HTR3E: variants seen among roughly 807,000 people sequenced by gnomAD.
The protein encoded by HTR3E is 5-hydroxytryptamine (serotonin) receptor 3, family member E.
In HTR3E, 38 loss-of-function variants were observed where a neutral mutation model predicts 38.0. The observed-to-expected ratio is 1.00, with a 90% CI of 0.77 to 1.31. The LOEUF (loss-of-function observed/expected upper bound fraction) is 1.31, where lower values mean the gene tolerates loss of function less well. Among genes scored for constraint, HTR3E ranks in the 50% most tolerant of loss-of-function variants. The pLI is 0.00. For synonymous variants in HTR3E, 210 were observed against 232.9 expected (o/e 0.90, Z 0.89); for missense variants, 547 against 585.2 (o/e 0.93, Z 0.67).
At position 184,106,721 on chromosome 3, in the gene HTR3E, T is replaced by G; in HGVS notation, c.*28T>G. On this transcript the variant is annotated 3_prime_UTR_variant, in exon 9 of 9. Transcript: ENST00000415389. The surrounding 1 kb of genome is among the most constrained non-coding windows in gnomAD (Gnocchi z 4.1). ...AGGTGCTCACCTGCCAACTTCAGTC[T>G]GGAGCTTCTCTTGCCTCCAGGGACT... 1 of 1,611,148 alleles carries G rather than the reference T, an allele frequency of 6.2e-7. No individual in the cohort carries two copies. Among genetic ancestry groups the G allele is most frequent in the Non-Finnish European group, 8.5e-7 (1 of 1,178,100 alleles).
intron 1 of HTR3E, among the ~76,000 whole-genome samples, chr3:184,099,789 CT>C (rs1560093133): frequency 7.2e-6 from 1 of 138,988 alleles, no homozygotes; most frequent in African/African-American, 2.7e-5. Flanking sequence ...TAAAATAAAA[CT>C]TTTTTAAAGC....
rs769256786 is a variant in HTR3E at position 184,105,426 on chromosome 3, A to T, written c.719A>T (p.Tyr240Phe). The T allele has an allele frequency of 6.2e-7, 1 of 1,602,050 alleles. No homozygotes were observed. Among genetic ancestry groups the T allele is most frequent in the Non-Finnish European group, 8.5e-7 (1 of 1,175,348 alleles). The change falls in exon 6 of 9, where the codon TAT (tyrosine) becomes TTT (phenylalanine). Residue 240 changes from tyrosine to phenylalanine, a missense_variant and splice_region_variant. Transcript: ENST00000415389. ...GGNLYDQIVF[Y>F]VAIRRRPSLY... ...AACCTGTATGATCAGATCGTGTTCTATGTGAGCTTGGAGGCTCTTACTCTT... is the reference window on the plus strand; with the variant it reads ...AACCTGTATGATCAGATCGTGTTCTTTGTGAGCTTGGAGGCTCTTACTCTT...
rs143856984 is a variant in HTR3E, at chr3:184,105,963, C to G, written c.919C>G (p.Leu307Val). 1,314 of 1,614,174 alleles carry G rather than the reference C, an allele frequency of 8.1e-4. 8 individuals are homozygous for G. The African/African-American group carries it at 0.016, about 20-fold the overall frequency. ...SDLLPTSGTP[L>V]IGVYFALCLS... The stretch of plus-strand genomic sequence containing the variant: ...CTTGCTCCCCACCAGTGGCACCCCC[C>G]TCATCGGTATGGCTCCTCCCACCTT... Residue 307 changes from leucine to valine, a missense_variant, in exon 7 of 9, where the codon CTC (leucine) becomes GTC (valine). Leu to Val is a conservative substitution (Grantham distance 32, BLOSUM62 1). Coordinates refer to ENST00000415389, the MANE Select transcript of HTR3E (RefSeq NM_001256613.2).
chr3:184,100,214 G>A, intron 1 of HTR3E: 1 of 1,404,396 alleles, frequency 7.1e-7, no homozygotes, highest in East Asian at 2.5e-5. Flanking sequence ...TTGGCTGTCT[G>A]ACTGTAGGAA....
At chr3:184,104,555 A>G (rs1033254938) in intron 4 of HTR3E, among the ~76,000 whole-genome samples, 1 of 150,918 alleles carries the variant, frequency 6.6e-6, no homozygotes, top group African/African-American at 2.4e-5. Context: ...AAAAAAAAAA[A>G]AAAAAAAATT....
Position 184,097,575 on chromosome 3 carries a change from C to T in HTR3E, c.46C>T (p.Leu16Phe). ...FHRKRFSFYL[L>F]LGFLLQGRGV... Reference sequence around the variant, plus strand: ...CAGGAAAAGATTTTCCTTCTACCTCCTTCTCGGTTTTCTGCTTCAAGGTAA... The same window carrying T: ...CAGGAAAAGATTTTCCTTCTACCTCTTTCTCGGTTTTCTGCTTCAAGGTAA... The change falls in exon 1 of 9, where the codon CTT (leucine) becomes TTT (phenylalanine). Residue 16 changes from leucine (L) to phenylalanine (F), a missense_variant. Leu to Phe is a conservative substitution (Grantham distance 22). Transcript: ENST00000415389. 1 of 1,535,922 alleles carries T rather than the reference C, an allele frequency of 6.5e-7. No individual in the cohort carries two copies.
At position 184,101,493 on chromosome 3, in the gene HTR3E, G is replaced by A; in HGVS notation, c.243G>A (p.Gln81=). Residue 81 remains glutamine, a synonymous_variant, in exon 3 of 9, where the codon CAG becomes CAA. Coordinates refer to ENST00000415389, the MANE Select transcript of HTR3E (RefSeq NM_001256613.2). ...AMSAILDVNE[Q]LHLLSSFLWL... is the part of the protein sequence containing the mutation. ...GGAAATTCTTTTGGCAGAATGAACA[G>A]CTGCACCTCTTGTCATCATTCCTGT... 1 of 1,613,876 alleles carries A rather than the reference G, an allele frequency of 6.2e-7. No homozygotes were observed. Among genetic ancestry groups the A allele is most frequent in the South Asian group, 1.1e-5 (1 of 91,086 alleles).
At chr3:184,100,100 C>A (rs947744779) in intron 1 of HTR3E, 163 of 1,261,844 alleles carry the variant, frequency 1.3e-4, no homozygotes, top group Non-Finnish European at 1.5e-4. Flanking sequence ...GTCTGGACCC[C>A]TCTCGGTGAT....
At position 184,106,358 on chromosome 3, in the gene HTR3E, A is replaced by G; in HGVS notation, c.1141+15A>G. 6.3e-7 allele frequency: 1 copy of G among 1,598,126 alleles called. No homozygotes were observed. Among genetic ancestry groups the G allele is most frequent in the Non-Finnish European group, 8.5e-7 (1 of 1,172,306 alleles). On this transcript the variant is annotated intron_variant, in intron 8 of 8. Transcript: ENST00000415389. This position sits in a 1 kb window ranked among gnomAD's most constrained non-coding sequence, Gnocchi z 4.1. ...CCACCTGCCCGGTGAGGGAAGTCAC[A>G]TTCCTCTTCCCCCACCTCCACTTCT...
chr3:184,099,741 G>A (rs6796904), intron 1 of HTR3E, among the ~76,000 whole-genome samples: 59,125 of 116,750 alleles, frequency 0.51, 16,164 homozygotes, highest in East Asian at 0.71. Flanking sequence ...AAAAAAAAAA[G>A]AAAGAAATAT....
chr3:184,104,033 T>C (rs1712247867), intron 3 of HTR3E, 149 bp from the exon 4 acceptor site: 1 of 509,138 alleles, frequency 2.0e-6, no homozygotes, highest in Admixed American at 3.9e-5. Context: ...TAATAAAATA[T>C]TAATGCCACA....
rs371589816 is a variant in HTR3E at position 184,099,576 on chromosome 3, C to T, written c.68-909C>T. Among the ~76,000 whole-genome samples, 371 of 150,290 alleles carry T rather than the reference C, an allele frequency of 2.5e-3. 1 individual carries two copies. The highest frequency in any genetic ancestry group is 0.014 in the Middle Eastern group (4 of 290). On this transcript the variant is annotated intron_variant, in intron 1 of 8. Transcript: ENST00000415389. ...AAAAATACAAAAAATTAGCCGGGCG[C>T]GGTGGCGGGCGCCTGTAGTCCCAGC...
intron 2 of HTR3E, 134 bp downstream of exon 2, chr3:184,100,785 G>T: frequency 7.8e-7 from 1 of 1,286,254 alleles, no homozygotes; most frequent in East Asian, 2.4e-5. Context: ...CTGGCATGGG[G>T]ATCTCAAAGA....
At chr3:184,105,178 T>C (rs776068673) in intron 5 of HTR3E, 89 bp from the exon 6 acceptor site, 74 of 1,418,084 alleles carry the variant, frequency 5.2e-5, no homozygotes, top group Non-Finnish European at 6.8e-5. Flanking sequence ...TCAAAAATAT[T>C]TGTTGAAAGA....
chr3:184,105,746 C>T lies in HTR3E; in HGVS notation c.721-19C>T. On this transcript the variant is annotated intron_variant, in intron 6 of 8. Transcript: ENST00000415389. ...CCTCTGACCCCATAACTACTTACCA[C>T]CCTCTCCTACCCCACCAGGTGGCCA... 1 of 1,596,530 alleles carries T rather than the reference C, an allele frequency of 6.3e-7. No individual in the cohort carries two copies.
At chr3:184,100,768 C>A in intron 2 of HTR3E, 117 bp downstream of exon 2, 1 of 1,426,480 alleles carries the variant, frequency 7.0e-7, no homozygotes, top group Non-Finnish European at 9.4e-7. Context: ...TGCTGGATGG[C>A]ATTTGCCTGG....
At chr3:184,100,095 G>C in intron 1 of HTR3E, 5 of 1,238,380 alleles carry the variant, frequency 4.0e-6, no homozygotes, top group Non-Finnish European at 5.1e-6. Flanking sequence ...CCAGCGTCTG[G>C]ACCCCTCTCG....
chr3:184,105,731 C>T, intron 6 of HTR3E, 34 bp from the exon 7 acceptor site: 1 of 1,538,510 alleles, frequency 6.5e-7, no homozygotes, highest in Non-Finnish European at 9.0e-7. Flanking sequence ...CCTCTGACCC[C>T]ATAACTACTT....
chr3:184,105,936 G>A lies in HTR3E; in HGVS notation c.892G>A (p.Asp298Asn). 5.0e-6 allele frequency: 8 copies of A among 1,614,144 alleles called. No individual in the cohort carries two copies. Among genetic ancestry groups the A allele is most frequent in the Non-Finnish European group, 6.8e-6 (8 of 1,180,038 alleles). The part of the protein sequence containing the change: ...GYNVFLLMMS[D>N]LLPTSGTPLI... ...CAACGTCTTCCTGCTCATGATGAGTGACTTGCTCCCCACCAGTGGCACCCC... is the reference window on the plus strand; with the variant it reads ...CAACGTCTTCCTGCTCATGATGAGTAACTTGCTCCCCACCAGTGGCACCCC... The change falls in exon 7 of 9, where the codon GAC becomes AAC. Residue 298 changes from aspartate to asparagine, a missense_variant. Physicochemically the swap from Asp to Asn is conservative, Grantham distance 23. Coordinates refer to ENST00000415389, the MANE Select transcript of HTR3E (RefSeq NM_001256613.2).
Sources: allele counts gnomAD v4.1 joint callset (sites outside exome capture counted in the v4.1 genomes callset), GRCh38; gene constraint gnomAD v4.1.1; non-coding constraint Gnocchi (gnomAD v3.1); transcripts MANE v1.5; gene names NCBI Gene and HGNC (gene_info 2026-07-23, HGNC 2026-07-21).